HIP1: variants seen among roughly 807,000 people sequenced by gnomAD.
The protein encoded by HIP1 is huntingtin-interacting protein 1.
A neutral mutation model predicts 147.6 loss-of-function variants in HIP1; 65 were observed. That is an observed-to-expected ratio of 0.44 (90% confidence interval 0.36 to 0.54). The LOEUF (loss-of-function observed/expected upper bound fraction) is 0.54, where lower values mean the gene tolerates loss of function less well. Among genes scored for constraint, HIP1 ranks in the 20% least tolerant of loss-of-function variants. The pLI, the probability that HIP1 is intolerant of heterozygous loss-of-function variation, is 0.00. For missense variants in HIP1, 1,061 were observed against 1,299.6 expected, an observed-to-expected ratio of 0.82 and a Z score of 2.82; for synonymous variants, 479 against 504.0, an observed-to-expected ratio of 0.95 and a Z score of 0.67.
intron 1 of HIP1, among the ~76,000 whole-genome samples, chr7:75,604,075 A>G (rs1554503455): frequency 6.7e-6 from 1 of 149,592 alleles, no homozygotes; most frequent in African/African-American, 2.5e-5. Flanking sequence ...AGTGCATTAC[A>G]GCCGTTTAAA....
At chr7:75,655,684 A>G (rs1799122018) in intron 1 of HIP1, among the ~76,000 whole-genome samples, 1 of 152,202 alleles carries the variant, frequency 6.6e-6, no homozygotes, top group Non-Finnish European at 1.5e-5. Flanking sequence ...ATGAGGATCT[A>G]GAATAAGCAA....
At chr7:75,687,616 A>T (rs945135965) in intron 1 of HIP1, among the ~76,000 whole-genome samples, 4 of 152,126 alleles carry the variant, frequency 2.6e-5, no homozygotes, top group Admixed American at 6.6e-5. Context: ...GCTTGAACCC[A>T]GGAGGCAGAG....
At chr7:75,570,292 TTC>T in intron 8 of HIP1, among the ~76,000 whole-genome samples, 1 of 149,712 alleles carries the variant, frequency 6.7e-6, no homozygotes, top group South Asian at 2.1e-4. Flanking sequence ...TGTGACACGT[TTC>T]TTTTTTTTTT....
chr7:75,601,499 G>C (rs1475936685), intron 1 of HIP1, among the ~76,000 whole-genome samples: 2 of 152,014 alleles, frequency 1.3e-5, no homozygotes, highest in African/African-American at 2.4e-5. Context: ...GGGAGGCTGA[G>C]GCAGGAGAAT....
chr7:75,719,517 AAG>A (rs1801436786), intron 1 of HIP1, among the ~76,000 whole-genome samples: 1 of 151,860 alleles, frequency 6.6e-6, no homozygotes, highest in African/African-American at 2.4e-5. Context: ...AAAAAAAAAA[AAG>A]AAGACTAATA....
At chr7:75,639,604 TGTGTGCAGGCGTGC>T (rs1197028234) in intron 1 of HIP1, among the ~76,000 whole-genome samples, 1 of 146,000 alleles carries the variant, frequency 6.8e-6, no homozygotes, top group African/African-American at 2.6e-5. Context: ...CGCCCGCGTG[TGTGTGCAGGCGTGC>T]GTGTGCATGC....
At chr7:75,575,169 A>C (rs1795801188) in intron 7 of HIP1, among the ~76,000 whole-genome samples, 2 of 150,412 alleles carry the variant, frequency 1.3e-5, no homozygotes, top group South Asian at 4.2e-4. Flanking sequence ...TAAATAAATA[A>C]AACAAAACAA....
At position 75,573,851 on chromosome 7, in the gene HIP1, G is replaced by C; in HGVS notation, c.655C>G (p.Gln219Glu). The C allele has an allele frequency of 6.2e-7, 1 of 1,614,060 alleles. No homozygotes were observed. Among genetic ancestry groups the C allele is most frequent in the Non-Finnish European group, 8.5e-7 (1 of 1,179,944 alleles). The change falls in exon 8 of 31, where the codon CAG becomes GAG. Residue 219 changes from glutamine (Q) to glutamate (E), a missense_variant. By Grantham distance (29) the Gln-to-Glu change is conservative. Around this residue, in one of 3 missense-constraint regions of HIP1, gnomAD observed 225 missense variants for 292.9 expected, o/e 0.77. Transcript: ENST00000336926. The stretch of plus-strand genomic sequence containing the variant: ...TGGATCAGCGGGGCGAGGCGGCACT[G>C]CCCTGCTGCCGTCACGGACACAGAG... ...SRSVSVTAAG[Q>E]CRLAPLIQVI...
intron 1 of HIP1, among the ~76,000 whole-genome samples, chr7:75,706,901 C>T (rs7803786): frequency 0.37 from 11,584 of 31,566 alleles, 2,389 homozygotes; most frequent in Admixed American, 0.43. Flanking sequence ...TTTGTTCTTG[C>T]GATAGTTTAC....
chr7:75,592,290 A>G (rs149943294), intron 3 of HIP1, 82 bp downstream of exon 3: 2 of 1,507,988 alleles, frequency 1.3e-6, no homozygotes, highest in Non-Finnish European at 9.0e-7. Flanking sequence ...GTGGGAGAGG[A>G]CAGCAGCCTC....
chr7:75,549,083 G>T, intron 22 of HIP1, 82 bp from the exon 23 acceptor site: 1 of 1,051,804 alleles, frequency 9.5e-7, no homozygotes, highest in Non-Finnish European at 1.5e-6. Flanking sequence ...TTACAAGATG[G>T]CAAGGCAGGA....
intron 1 of HIP1, among the ~76,000 whole-genome samples, chr7:75,647,137 G>A (rs1554511213): frequency 1.4e-5 from 2 of 146,716 alleles, no homozygotes; most frequent in Non-Finnish European, 3.0e-5. Flanking sequence ...AGGCTGAGGC[G>A]AGCAGATCAC....
chr7:75,598,633 C>G (rs1029857725), intron 2 of HIP1, among the ~76,000 whole-genome samples: 5 of 152,030 alleles, frequency 3.3e-5, no homozygotes, highest in Middle Eastern at 3.4e-3. Flanking sequence ...TTGAGTCGGC[C>G]AGGTGCAGTG....
Position 75,548,945 on chromosome 7 carries a change from G to T in HIP1, c.2352C>A (p.Asp784Glu), listed in dbSNP as rs1384110610. The change falls in exon 23 of 31, where the codon GAC (aspartate) becomes GAA (glutamate). Residue 784 changes from aspartate (D) to glutamate (E), a missense_variant. By Grantham distance (45) the Asp-to-Glu change is conservative. Coordinates refer to ENST00000336926, the MANE Select transcript of HIP1 (RefSeq NM_005338.7). ...IKQEELGDLV[D>E]KEMAATSAAI... ...CAGCTGAAGTGGCCGCCATCTCCTT[G>T]TCCACCAGGTCCCCCAGCTCCTCCT... 3 of 1,613,908 alleles carry T rather than the reference G, an allele frequency of 1.9e-6. No individual in the cohort carries two copies. The African/African-American group carries it at 4.0e-5, about 22-fold the overall frequency.
chr7:75,698,496 G>C (rs1308170385), intron 1 of HIP1, among the ~76,000 whole-genome samples: 1 of 152,096 alleles, frequency 6.6e-6, no homozygotes, highest in African/African-American at 2.4e-5. Context: ...AAATGAGGAA[G>C]TCTATTGTAA....
intron 1 of HIP1, among the ~76,000 whole-genome samples, chr7:75,726,244 T>C (rs1801646058): frequency 1.3e-5 from 2 of 151,932 alleles, no homozygotes; most frequent in Admixed American, 1.3e-4. Flanking sequence ...TTATCCAATG[T>C]GGTTGCCCCA....
chr7:75,689,656 C>G (rs1225372052), intron 1 of HIP1, among the ~76,000 whole-genome samples: 1 of 152,154 alleles, frequency 6.6e-6, no homozygotes, highest in Non-Finnish European at 1.5e-5. Context: ...GGACACGCTC[C>G]TTGGAGTACA....
rs370748908 is a variant in HIP1 at position 75,558,188 on chromosome 7, G to C, written c.1443C>G (p.Asn481Lys). ...LKEKYSELVQ[N>K]HADLLRKNAE... ...TTACCTTCCGCAGCAGGTCAGCGTGGTTCTGAACCAGCTCGCTGTACTTCT... is the reference window on the plus strand; with the variant it reads ...TTACCTTCCGCAGCAGGTCAGCGTGCTTCTGAACCAGCTCGCTGTACTTCT... Residue 481 changes from asparagine (N) to lysine (K), a missense_variant, in exon 15 of 31, where the codon AAC becomes AAG. By Grantham distance (94) the Asn-to-Lys change is moderately conservative (BLOSUM62 0). Around this residue, in one of 3 missense-constraint regions of HIP1, gnomAD observed 810 missense variants for 946.8 expected, o/e 0.86. Transcript: ENST00000336926. 12 of 1,613,928 alleles carry C rather than the reference G, an allele frequency of 7.4e-6. No homozygotes were observed. In the African/African-American group the frequency reaches 1.6e-4, roughly 22 times the overall value.
In HIP1 at chr7:75,538,122, C is replaced by G; in HGVS notation, c.*50G>C. On this transcript the variant is annotated 3_prime_UTR_variant, in exon 31 of 31. Transcript: ENST00000336926. ...CCTGTGGCTGGGGAAATAACACACACGAGATAGGTAACAAGGATTTACACT... is the reference window on the plus strand; with the variant it reads ...CCTGTGGCTGGGGAAATAACACACAGGAGATAGGTAACAAGGATTTACACT... The G allele has an allele frequency of 6.8e-7, 1 of 1,474,204 alleles. No individual in the cohort carries two copies. Among genetic ancestry groups the G allele is most frequent in the Non-Finnish European group, 9.5e-7 (1 of 1,052,740 alleles). The allele number at this position is 1,474,204 out of a possible 1,614,324, so 91.3% of individuals were successfully genotyped here. A position where few individuals can be genotyped will look rare whatever the true frequency, so the allele number is the denominator to read the frequency against.
Sources: allele counts gnomAD v4.1 joint callset (sites outside exome capture counted in the v4.1 genomes callset), GRCh38; gene constraint gnomAD v4.1.1; regional missense constraint gnomAD v4.1.1; transcripts MANE v1.5; gene names NCBI Gene and HGNC (gene_info 2026-07-23, HGNC 2026-07-21).